HERC1: variants seen among roughly 807,000 people sequenced by gnomAD.
HERC1 encodes the protein HECT and RLD domain containing E3 ubiquitin protein ligase family member 1.
HERC1 carries 160 observed loss-of-function variants against 554.3 expected under a neutral mutation model. The observed-to-expected ratio is 0.29, with a 90% CI of 0.25 to 0.33. The LOEUF (loss-of-function observed/expected upper bound fraction) is 0.33. Ranked by LOEUF, HERC1 falls within the 10% of genes least tolerant of loss-of-function variation. The probability of loss-of-function intolerance (pLI) is 1.00; values close to 1 mark genes in which losing one functional copy is unlikely to be tolerated. For synonymous variants in HERC1, 2,175 were observed against 2,131.7 expected, an observed-to-expected ratio of 1.02 and a Z score of -0.56; for missense variants, 4,919 against 5,918.5, an observed-to-expected ratio of 0.83 and a Z score of 5.54.
intron 2 of HERC1, among the ~76,000 whole-genome samples, chr15:63,769,444 G>T (rs895289686): frequency 2.0e-5 from 3 of 152,010 alleles, no homozygotes; most frequent in African/African-American, 7.3e-5. Context: ...CTAAAGCTGG[G>T]CATTTTTAGA....
intron 3 of HERC1, among the ~76,000 whole-genome samples, chr15:63,760,749 C>T (rs1164531913): frequency 6.6e-6 from 1 of 151,916 alleles, no homozygotes; most frequent in Non-Finnish European, 1.5e-5. Context: ...AGAACCCAAT[C>T]AAGGGAATAA....
At chr15:63,761,181 G>C (rs1171496140) in intron 3 of HERC1, among the ~76,000 whole-genome samples, 1 of 152,160 alleles carries the variant, frequency 6.6e-6, no homozygotes, top group Non-Finnish European at 1.5e-5. Context: ...AAATCTACTA[G>C]AGAATGACCC....
Position 63,734,613 on chromosome 15 carries a change from C to T in HERC1, c.2646+111G>A. On this transcript the variant is annotated intron_variant, in intron 13 of 77. Transcript: ENST00000443617. This position sits in a 1 kb window ranked among gnomAD's most constrained non-coding sequence, Gnocchi z 4.6. ...ATTCTTCCAGCACAACACATTAACC[C>T]ATCAAGTACTTATGCTCCAAGAACA... The T allele has an allele frequency of 2.4e-6, 2 of 824,358 alleles. No homozygotes were observed. The highest frequency in any genetic ancestry group is 4.4e-5 in the South Asian group (2 of 45,334). The allele number at this position is 824,358 out of a possible 1,614,324, so 51.1% of individuals were successfully genotyped here. A position where few individuals can be genotyped will look rare whatever the true frequency, so the allele number is the denominator to read the frequency against.
Position 63,669,501 on chromosome 15 carries a change from C to T in HERC1, c.8206+37G>A. On this transcript the variant is annotated intron_variant, in intron 40 of 77. Transcript: ENST00000443617. Reference sequence around the variant, plus strand: ...ATAAAGTCCCACACATCTGGAATGCCAACTTTGGATATCATAGTGCATATC... The same window carrying T: ...ATAAAGTCCCACACATCTGGAATGCTAACTTTGGATATCATAGTGCATATC... 1.9e-6 allele frequency: 3 copies of T among 1,597,602 alleles called. No individual in the cohort carries two copies. The African/African-American group carries it at 4.0e-5, about 21-fold the overall frequency.
At chr15:63,688,177 A>T (rs541088629) in intron 33 of HERC1, among the ~76,000 whole-genome samples, 33 of 152,204 alleles carry the variant, frequency 2.2e-4, no homozygotes, top group Non-Finnish European at 3.4e-4. Flanking sequence ...GAATAGGGTG[A>T]TGACAGAAGA....
At chr15:63,824,816 T>G (rs1030714320) in intron 1 of HERC1, among the ~76,000 whole-genome samples, 3 of 151,136 alleles carry the variant, frequency 2.0e-5, no homozygotes, top group Admixed American at 2.0e-4. Context: ...TGGAGGACAC[T>G]GTCTTAAGTG....
At chr15:63,634,439 T>C (rs950874176) in intron 66 of HERC1, among the ~76,000 whole-genome samples, 11 of 152,218 alleles carry the variant, frequency 7.2e-5, no homozygotes, top group African/African-American at 2.7e-4. Context: ...AGTATCTGTA[T>C]TTTTTAAGGG....
At chr15:63,666,330 C>A in intron 41 of HERC1, 26 bp downstream of exon 41, 1 of 1,490,416 alleles carries the variant, frequency 6.7e-7, no homozygotes, top group Non-Finnish European at 9.4e-7. Context: ...TATCTGTATA[C>A]ACTGATATAT....
chr15:63,717,214 A>C (rs974965860), intron 21 of HERC1, among the ~76,000 whole-genome samples: 1 of 152,222 alleles, frequency 6.6e-6, no homozygotes, highest in Non-Finnish European at 1.5e-5. Flanking sequence ...CACACAGTAC[A>C]TGTCATTTAT....
rs1202118468 is a variant in HERC1, at chr15:63,746,820, A to G, written c.2520+98T>C. ...ACAGGAGTAAGGGAAACAACATCCAATTGAAATTGTCCAATGTACAGTTGA... is the reference window on the plus strand; with the variant it reads ...ACAGGAGTAAGGGAAACAACATCCAGTTGAAATTGTCCAATGTACAGTTGA... On this transcript the variant is annotated intron_variant, in intron 12 of 77. Transcript: ENST00000443617. 11 of 1,052,168 alleles carry G rather than the reference A, an allele frequency of 1.0e-5. No homozygotes were observed. The Admixed American group carries it at 1.0e-4, about 10-fold the overall frequency. The allele number at this position is 1,052,168 out of a possible 1,614,324, so 65.2% of individuals were successfully genotyped here. A position where few individuals can be genotyped will look rare whatever the true frequency, so the allele number is the denominator to read the frequency against.
chr15:63,657,807 A>G lies in HERC1; in HGVS notation c.9599+737T>C, dbSNP rs138312899. On this transcript the variant is annotated intron_variant, in intron 48 of 77. Transcript: ENST00000443617. Reference sequence around the variant, plus strand: ...GCCACTTTATAACTATTTGCTTTATATAGTTTGAGGTTGGGACCAAGGCTT... The same window carrying G: ...GCCACTTTATAACTATTTGCTTTATGTAGTTTGAGGTTGGGACCAAGGCTT... 3.0e-3 allele frequency among the ~76,000 whole-genome samples: 453 copies of G among 152,202 alleles called. 4 individuals are homozygous for G. Among genetic ancestry groups the G allele is most frequent in the Admixed American group, 4.4e-3 (67 of 15,292 alleles).
intron 34 of HERC1, among the ~76,000 whole-genome samples, chr15:63,683,859 T>A (rs1363265003): frequency 6.6e-6 from 1 of 152,200 alleles, no homozygotes; most frequent in African/African-American, 2.4e-5. Flanking sequence ...TGGCTTGGAA[T>A]CCTGAACTCA....
Position 63,692,697 on chromosome 15 carries a change from C to T in HERC1, c.5675-131G>A. 1 of 794,900 alleles carries T rather than the reference C, an allele frequency of 1.3e-6. No homozygotes were observed. Among genetic ancestry groups the T allele is most frequent in the Non-Finnish European group, 1.9e-6 (1 of 525,488 alleles). The allele number at this position is 794,900 out of a possible 1,614,324, so 49.2% of individuals were successfully genotyped here. ...ATCTTAGGCTGTCAGCTACTGAATTCTGAAAACTTAAAGAACAGAATGGGG... is the reference window on the plus strand; with the variant it reads ...ATCTTAGGCTGTCAGCTACTGAATTTTGAAAACTTAAAGAACAGAATGGGG... On this transcript the variant is annotated intron_variant, in intron 30 of 77. Coordinates refer to ENST00000443617, the MANE Select transcript of HERC1 (RefSeq NM_003922.4). The surrounding 1 kb of genome is among the most constrained non-coding windows in gnomAD (Gnocchi z 4.7).
chr15:63,710,306 G>A (rs1459968417), intron 24 of HERC1, among the ~76,000 whole-genome samples: 1 of 152,174 alleles, frequency 6.6e-6, no homozygotes, highest in Non-Finnish European at 1.5e-5. Flanking sequence ...AATTTGGAAA[G>A]AAGTGTCTAA....
chr15:63,742,112 CA>C (rs1383462199), intron 12 of HERC1, among the ~76,000 whole-genome samples: 1 of 152,210 alleles, frequency 6.6e-6, no homozygotes, highest in Non-Finnish European at 1.5e-5. Flanking sequence ...TCTTGCAATC[CA>C]TAAACATGAG....
intron 1 of HERC1, among the ~76,000 whole-genome samples, chr15:63,815,472 G>C (rs74019033): frequency 0.011 from 1,609 of 152,312 alleles, 21 homozygotes; most frequent in African/African-American, 0.037. Context: ...GTTGTGTAAA[G>C]TAATGAAAAC....
rs775388335 is a variant in HERC1 at position 63,672,535 on chromosome 15, G to A, written c.8006C>T (p.Ala2669Val). 1 of 1,607,080 alleles carries A rather than the reference G, an allele frequency of 6.2e-7. No individual in the cohort carries two copies. Among genetic ancestry groups the A allele is most frequent in the South Asian group, 1.1e-5 (1 of 89,560 alleles). Residue 2669 changes from alanine to valine, a missense_variant, in exon 39 of 78, where the codon GCA becomes GTA. By Grantham distance (64) the Ala-to-Val change is moderately conservative. Coordinates refer to ENST00000443617, the MANE Select transcript of HERC1 (RefSeq NM_003922.4). ...TPVTDTETVP[A>V]SESPGVMPLS... ...AGGCATCACTCCCGGGGACTCGGAT[G>A]CAGGCACTGTTTCTGTGTCAGTGAC...
At position 63,816,183 on chromosome 15, in the gene HERC1, T is replaced by G. The variant is rs146771747; in HGVS notation, c.-27+17644A>C. Among the ~76,000 whole-genome samples the G allele has an allele frequency of 2.6e-5, 4 of 152,314 alleles. No homozygotes were observed. The East Asian group carries it at 7.7e-4, about 29-fold the overall frequency. On this transcript the variant is annotated intron_variant, in intron 1 of 77. Transcript: ENST00000443617. ...AAAAAAGGTTCAGAGATCAAATAAA[T>G]TTGGAAAATACTAATTTAATGTTAA...
intron 27 of HERC1, 139 bp downstream of exon 27, chr15:63,695,985 G>A: frequency 1.6e-6 from 1 of 631,724 alleles, no homozygotes. Flanking sequence ...TTTAGGAAAT[G>A]GAACCAAGGA....
Sources: allele counts gnomAD v4.1 joint callset (sites outside exome capture counted in the v4.1 genomes callset), GRCh38; gene constraint gnomAD v4.1.1; non-coding constraint Gnocchi (gnomAD v3.1); transcripts MANE v1.5; gene names NCBI Gene and HGNC (gene_info 2026-07-23, HGNC 2026-07-21).